The following PHC2 variants were observed in gnomAD, a reference collection of about 807,000 sequenced individuals.
The protein encoded by PHC2 is polyhomeotic-like protein 2.
PHC2 carries 29 observed loss-of-function variants against 87.4 expected under a neutral mutation model. That is an observed-to-expected ratio of 0.33 (90% CI 0.25 to 0.45). The LOEUF is 0.45. Ranked by LOEUF, PHC2 falls within the 20% of genes least tolerant of loss-of-function variation. The pLI, the probability that PHC2 is intolerant of heterozygous loss-of-function variation, is 1.00. For synonymous variants in PHC2, 438 were observed against 461.7 expected, an observed-to-expected ratio of 0.95 and a Z score of 0.66; for missense variants, 857 against 1,136.7, an observed-to-expected ratio of 0.75 and a Z score of 3.54.
Position 33,330,071 on chromosome 1 carries a change from C to G in PHC2, c.2148G>C (p.Gln716His). 6.2e-7 allele frequency: 1 copy of G among 1,613,608 alleles called. No individual in the cohort carries two copies. The highest frequency in any genetic ancestry group is 8.5e-7 in the Non-Finnish European group (1 of 1,179,908). The change falls in exon 13 of 15, where the codon CAG becomes CAC. Residue 716 changes from glutamine (Q) to histidine (H), a missense_variant and splice_region_variant. Physicochemically the swap from Gln to His is conservative, Grantham distance 24 (BLOSUM62 0). Around this residue, in one of 3 missense-constraint regions of PHC2, gnomAD observed 832 missense variants for 1,081.8 expected, o/e 0.77. Coordinates refer to ENST00000683057, the MANE Select transcript of PHC2 (RefSeq NM_001385109.1). ...GCTTCAGGCTCTGCCCGCCTCTTACCTGCTTCTTGGTATCCTTGGTAAGTG... is the reference window on the plus strand; with the variant it reads ...GCTTCAGGCTCTGCCCGCCTCTTACGTGCTTCTTGGTATCCTTGGTAAGTG... ...LPPLTKDTKK[Q>H]PTGTVPLSVT...
At chr1:33,361,964 A>T (rs1647204474) in intron 7 of PHC2, among the ~76,000 whole-genome samples, 1 of 152,220 alleles carries the variant, frequency 6.6e-6, no homozygotes, top group African/African-American at 2.4e-5. Flanking sequence ...ACAGAGCTTA[A>T]GTAACTTGAT....
intron 1 of PHC2, among the ~76,000 whole-genome samples, chr1:33,400,618 T>C (rs1018936701): frequency 3.3e-5 from 5 of 152,218 alleles, no homozygotes; most frequent in Non-Finnish European, 5.9e-5. Context: ...TAAAGTCACA[T>C]AGAAGGTGTC....
At chr1:33,394,350 CA>C (rs1649208796) in intron 1 of PHC2, among the ~76,000 whole-genome samples, 1 of 145,022 alleles carries the variant, frequency 6.9e-6, no homozygotes, top group South Asian at 2.3e-4. Flanking sequence ...AGCCAGTTTT[CA>C]AAGTAAAAAA....
chr1:33,332,272 C>T lies in PHC2; in HGVS notation c.1891+3G>A, dbSNP rs773490347. 1.2e-6 allele frequency: 2 copies of T among 1,614,120 alleles called. No individual in the cohort carries two copies. Among genetic ancestry groups the T allele is most frequent in the Admixed American group, 3.3e-5 (2 of 60,022 alleles). ...CGAGAGATTCAGGGTCTGAGATGCC[C>T]ACCTTGCAGATAGGGCTCCTCCATC... On this transcript the variant is annotated splice_donor_region_variant and intron_variant, in intron 11 of 14. Transcript: ENST00000683057. This position sits in a 1 kb window ranked among gnomAD's most constrained non-coding sequence, Gnocchi z 4.2.
At chr1:33,358,111 T>C (rs1172034351) in intron 7 of PHC2, among the ~76,000 whole-genome samples, 2 of 152,166 alleles carry the variant, frequency 1.3e-5, no homozygotes, top group African/African-American at 2.4e-5. Context: ...GGAGTGGCTA[T>C]AGCAGAAAAG....
chr1:33,399,655 T>C (rs1008785679), intron 1 of PHC2, among the ~76,000 whole-genome samples: 1 of 152,130 alleles, frequency 6.6e-6, no homozygotes, highest in Non-Finnish European at 1.5e-5. Context: ...ATCCACTCTT[T>C]TGAAATTTCT....
chr1:33,406,180 G>T (rs1188111859), intron 1 of PHC2, among the ~76,000 whole-genome samples: 1 of 152,046 alleles, frequency 6.6e-6, no homozygotes, highest in Non-Finnish European at 1.5e-5. Flanking sequence ...TTTATTTGAT[G>T]AATAAAAATT....
In PHC2 at chr1:33,364,769, T is replaced by C. The variant is rs926473556; in HGVS notation, c.976+2347A>G. Among the ~76,000 whole-genome samples, 1 of 152,144 alleles carries C rather than the reference T, an allele frequency of 6.6e-6. No homozygotes were observed. The highest frequency in any genetic ancestry group is 6.5e-5 in the Admixed American group (1 of 15,280). On this transcript the variant is annotated intron_variant, in intron 7 of 14. Coordinates refer to ENST00000683057, the MANE Select transcript of PHC2 (RefSeq NM_001385109.1). This position sits in a 1 kb window ranked among gnomAD's most constrained non-coding sequence, Gnocchi z 4.1. ...ATGCAGGCCCACTGCTTTGTGTCTC[T>C]GGGGAGAGGTTCTTTGTGGAGCTGC...
In PHC2 at chr1:33,355,113, C is replaced by T; in HGVS notation, c.1117G>A (p.Glu373Lys). The change falls in exon 8 of 15, where the codon GAG becomes AAG. Residue 373 changes from glutamate to lysine, a missense_variant. Physicochemically the swap from Glu to Lys is moderately conservative, Grantham distance 56. Transcript: ENST00000683057. ...ACTGAGGCGAGCTGGGGGTGGGGCTCAGCTTGGAGCACAGGCCGTGACTGC... is the reference window on the plus strand; with the variant it reads ...ACTGAGGCGAGCTGGGGGTGGGGCTTAGCTTGGAGCACAGGCCGTGACTGC... ...PQQSRPVLQAEPHPQLASVSP... is the reference protein window; with the variant it reads ...PQQSRPVLQAKPHPQLASVSP... The T allele has an allele frequency of 1.2e-6, 2 of 1,611,148 alleles. No individual in the cohort carries two copies. The highest frequency in any genetic ancestry group is 8.5e-7 in the Non-Finnish European group (1 of 1,178,876).
chr1:33,424,764 C>T (rs115119795), intron 1 of PHC2, among the ~76,000 whole-genome samples: 59 of 152,166 alleles, frequency 3.9e-4, no homozygotes, highest in African/African-American at 1.4e-3. Flanking sequence ...TTAGTTAGGA[C>T]GATCAAGAAA....
chr1:33,412,604 C>T (rs1650028084), intron 1 of PHC2, among the ~76,000 whole-genome samples: 1 of 152,198 alleles, frequency 6.6e-6, no homozygotes, highest in African/African-American at 2.4e-5. Context: ...CAGGCCAGCA[C>T]ATTTCACACT....
intron 1 of PHC2, among the ~76,000 whole-genome samples, chr1:33,421,582 C>T (rs1570516743): frequency 1.3e-5 from 2 of 152,170 alleles, no homozygotes; most frequent in South Asian, 2.1e-4. Flanking sequence ...ACCCCAGTCC[C>T]GGGACTGAGA....
rs561527561 is a variant in PHC2, at chr1:33,360,922, C to A, written c.977-5669G>T. On this transcript the variant is annotated intron_variant, in intron 7 of 14. Transcript: ENST00000683057. ...ACAAGTCAGTAAGGACAAAAAAGGT[C>A]AAAAATGCTGATGGCCAAGTGAATA... 2.4e-4 allele frequency among the ~76,000 whole-genome samples: 37 copies of A among 152,234 alleles called. No homozygotes were observed. The South Asian group carries it at 2.5e-3, about 10-fold the overall frequency.
intron 7 of PHC2, among the ~76,000 whole-genome samples, chr1:33,357,626 C>T (rs1341266178): frequency 6.6e-6 from 1 of 152,114 alleles, no homozygotes; most frequent in African/African-American, 2.4e-5. Flanking sequence ...TGTGGAAATG[C>T]CAGCAGACAT....
At chr1:33,327,337 C>T (rs1449483308) in intron 14 of PHC2, among the ~76,000 whole-genome samples, 1 of 152,162 alleles carries the variant, frequency 6.6e-6, no homozygotes, top group East Asian at 1.9e-4. Flanking sequence ...ACCCCAGGAG[C>T]CTCATCTCAC....
intron 1 of PHC2, among the ~76,000 whole-genome samples, chr1:33,405,184 C>CTT (rs533085133): frequency 2.8e-5 from 4 of 142,054 alleles, no homozygotes; most frequent in Non-Finnish European, 3.1e-5. Context: ...GATTTGTAGT[C>CTT]TTTTTTTTTT....
chr1:33,401,597 CA>C (rs1327192245), intron 1 of PHC2, among the ~76,000 whole-genome samples: 2 of 152,170 alleles, frequency 1.3e-5, no homozygotes, highest in Admixed American at 6.5e-5. Context: ...CCATGGAAAT[CA>C]GCAAATACTA....
intron 1 of PHC2, among the ~76,000 whole-genome samples, chr1:33,402,039 G>C (rs1016929846): frequency 6.6e-6 from 1 of 151,884 alleles, no homozygotes; most frequent in Admixed American, 6.6e-5. Flanking sequence ...CTTACACTGA[G>C]AAAAAATATT....
chr1:33,377,638 T>C (rs1648252991), intron 1 of PHC2, among the ~76,000 whole-genome samples: 1 of 152,028 alleles, frequency 6.6e-6, no homozygotes, highest in African/African-American at 2.4e-5. Context: ...TAATATTTGT[T>C]TGTCACCCCA....
Sources: allele counts gnomAD v4.1 joint callset (sites outside exome capture counted in the v4.1 genomes callset), GRCh38; gene constraint gnomAD v4.1.1; regional missense constraint gnomAD v4.1.1; non-coding constraint Gnocchi (gnomAD v3.1); transcripts MANE v1.5; gene names NCBI Gene and HGNC (gene_info 2026-07-23, HGNC 2026-07-21).